RANBP2: variants seen among roughly 807,000 people sequenced by gnomAD.
RANBP2 encodes RAN binding protein 2, also known as E3 SUMO-protein ligase RanBP2.
In RANBP2, 57 loss-of-function variants were observed where a neutral mutation model predicts 303.6. The observed-to-expected ratio is 0.19, with a 90% CI of 0.15 to 0.23. RANBP2 has a LOEUF of 0.23. Ranked by LOEUF, RANBP2 falls within the 10% of genes least tolerant of loss-of-function variation. The pLI is 1.00. For synonymous variants in RANBP2, 1,167 were observed against 1,301.5 expected (o/e 0.90, Z 2.23); for missense variants, 3,138 against 3,780.8 (o/e 0.83, Z 4.46).
At chr2:109,674,534 G>C in the RANBP2 span, among the ~76,000 whole-genome samples, 1 of 151,802 alleles carries the variant, frequency 6.6e-6, no homozygotes, top group Admixed American at 6.6e-5. Context: ...AGTGAGCTAT[G>C]ATTGCACTGC....
the RANBP2 span, among the ~76,000 whole-genome samples, chr2:109,647,301 C>T: frequency 6.6e-6 from 1 of 151,074 alleles, no homozygotes. Context: ...ATATCTGGGA[C>T]TACAGGCGTG....
At chr2:109,585,142 T>C in the RANBP2 span, 2 of 1,578,744 alleles carry the variant, frequency 1.3e-6, no homozygotes, top group South Asian at 1.2e-5. Flanking sequence ...TCTTTATTTA[T>C]TTGGTCACCA....
the RANBP2 span, among the ~76,000 whole-genome samples, chr2:109,523,798 A>G: frequency 8.5e-5 from 13 of 152,256 alleles, no homozygotes; most frequent in Admixed American, 1.3e-4. Context: ...ACACCCATTG[A>G]GGCTAATACC....
chr2:109,045,851 A>G, the RANBP2 span, among the ~76,000 whole-genome samples: 2 of 152,100 alleles, frequency 1.3e-5, no homozygotes, highest in Non-Finnish European at 2.9e-5. Context: ...CAGAACAACC[A>G]TGTGCTGTAT....
At chr2:109,156,690 G>A in the RANBP2 span, among the ~76,000 whole-genome samples, 8 of 152,198 alleles carry the variant, frequency 5.3e-5, no homozygotes, top group Admixed American at 3.3e-4. Flanking sequence ...AGGTGATCTC[G>A]CCTCGGCCTC....
chr2:109,409,493 A>T, the RANBP2 span, among the ~76,000 whole-genome samples: 34 of 152,310 alleles, frequency 2.2e-4, no homozygotes, highest in African/African-American at 7.9e-4. Flanking sequence ...TGAGAATTAA[A>T]TATCCAGCAG....
chr2:109,662,398 T>G, the RANBP2 span, among the ~76,000 whole-genome samples: 1 of 152,216 alleles, frequency 6.6e-6, no homozygotes, highest in African/African-American at 2.4e-5. Flanking sequence ...AGGATTCTCC[T>G]GCCTCAGCCT....
chr2:109,678,582 C>T, the RANBP2 span, among the ~76,000 whole-genome samples: 1 of 152,204 alleles, frequency 6.6e-6, no homozygotes, highest in African/African-American at 2.4e-5. Context: ...TGCAGAGAAC[C>T]TTTGTATATA....
the RANBP2 span, among the ~76,000 whole-genome samples, chr2:109,054,337 C>T: frequency 3.9e-5 from 6 of 152,164 alleles, no homozygotes; most frequent in African/African-American, 1.4e-4. Context: ...TACAGATTTG[C>T]CTGCTCCTTG....
At chr2:109,086,858 A>G in the RANBP2 span, among the ~76,000 whole-genome samples, 2 of 152,136 alleles carry the variant, frequency 1.3e-5, no homozygotes. Context: ...AGCCCACATC[A>G]TCTTTACCTG....
At chr2:108,770,144 A>G (rs1322320132) in intron 20 of RANBP2, among the ~76,000 whole-genome samples, 2 of 152,228 alleles carry the variant, frequency 1.3e-5, no homozygotes, top group African/African-American at 2.4e-5. Context: ...ATACTACTGT[A>G]GAACATAGAG....
chr2:109,142,394 G>A, the RANBP2 span, among the ~76,000 whole-genome samples: 3 of 152,208 alleles, frequency 2.0e-5, no homozygotes, highest in East Asian at 5.8e-4. Flanking sequence ...AAAGCACCCT[G>A]TGGGGTTAGC....
At chr2:109,368,086 T>C in the RANBP2 span, among the ~76,000 whole-genome samples, 4 of 152,248 alleles carry the variant, frequency 2.6e-5, no homozygotes, top group African/African-American at 9.6e-5. Context: ...TAATGGAAAT[T>C]TGTTTTTCTT....
the RANBP2 span, among the ~76,000 whole-genome samples, chr2:108,824,848 G>T: frequency 0.042 from 6,329 of 152,156 alleles, 447 homozygotes; most frequent in African/African-American, 0.14. Flanking sequence ...ATCACTAAGT[G>T]ATAGGAATTT....
Position 108,783,923 on chromosome 2 carries a change from AT to A in RANBP2, c.*25del. 3 of 1,586,658 alleles carry A rather than the reference AT, an allele frequency of 1.9e-6. No individual in the cohort carries two copies. Among genetic ancestry groups the A allele is most frequent in the Non-Finnish European group, 2.6e-6 (3 of 1,155,632 alleles). On this transcript the variant is annotated 3_prime_UTR_variant, in exon 29 of 29. Transcript: ENST00000283195. The stretch of plus-strand genomic sequence containing the variant: ...ATAAAATCATTGTTGTTCATAGAAA[AT>A]TTCATCTGTATAAGCAGTTGGATTG...
chr2:109,657,431 G>T, the RANBP2 span, among the ~76,000 whole-genome samples: 2 of 152,120 alleles, frequency 1.3e-5, no homozygotes, highest in Non-Finnish European at 2.9e-5. Flanking sequence ...CTGGGCAACG[G>T]AGTGAGACCC....
intron 18 of RANBP2, among the ~76,000 whole-genome samples, chr2:108,760,983 C>A (rs1280919123): frequency 6.6e-6 from 1 of 151,606 alleles, no homozygotes. Flanking sequence ...ATTAACATTT[C>A]TTTCCTAAAT....
At chr2:109,278,817 G>T in the RANBP2 span, among the ~76,000 whole-genome samples, 1 of 152,178 alleles carries the variant, frequency 6.6e-6, no homozygotes. Flanking sequence ...GTATTGCATC[G>T]GCCAAGGCAA....
the RANBP2 span, among the ~76,000 whole-genome samples, chr2:109,435,234 A>G: frequency 6.6e-6 from 1 of 152,170 alleles, no homozygotes; most frequent in Non-Finnish European, 1.5e-5. Context: ...AGTCCAATCC[A>G]TAGCTCAGCA....
Sources: allele counts gnomAD v4.1 joint callset (sites outside exome capture counted in the v4.1 genomes callset), GRCh38; gene constraint gnomAD v4.1.1; transcripts MANE v1.5; gene names NCBI Gene and HGNC (gene_info 2026-07-23, HGNC 2026-07-21).